Variants in DPP10 observed in about 807,000 individuals in gnomAD.
The protein encoded by DPP10 is dipeptidyl peptidase like 10, also known as inactive dipeptidyl peptidase 10.
DPP10 carries 33 observed loss-of-function variants against 120.9 expected under a neutral mutation model. The observed-to-expected ratio is 0.27, with a 90% CI of 0.21 to 0.37. DPP10 has a LOEUF of 0.37. Among genes scored for constraint, DPP10 ranks in the 10% least tolerant of loss-of-function variants. DPP10 has a pLI of 1.00. For synonymous variants in DPP10, 337 were observed against 326.1 expected, an observed-to-expected ratio of 1.03 and a Z score of -0.36; for missense variants, 816 against 942.8, an observed-to-expected ratio of 0.87 and a Z score of 1.76.
In DPP10 at chr2:114,493,786, A is replaced by C. The variant is rs923508926; in HGVS notation, c.60+50948A>C. Among the ~76,000 whole-genome samples, 6 of 152,268 alleles carry C rather than the reference A, an allele frequency of 3.9e-5. No homozygotes were observed. In the East Asian group the frequency reaches 1.2e-3, roughly 29 times the overall value. On this transcript the variant is annotated intron_variant, in intron 1 of 25. Coordinates refer to ENST00000410059, the MANE Select transcript of DPP10 (RefSeq NM_020868.6). ...CAGGTCAAATGGAAGATTGTTCTGCAAGAGAAAAGAAAGGTAAACACTGCA... is the reference window on the plus strand; with the variant it reads ...CAGGTCAAATGGAAGATTGTTCTGCCAGAGAAAAGAAAGGTAAACACTGCA...
chr2:114,731,344 C>T (rs915032966), intron 1 of DPP10, among the ~76,000 whole-genome samples: 2 of 152,092 alleles, frequency 1.3e-5, no homozygotes, highest in African/African-American at 4.8e-5. Flanking sequence ...ATTAACAGCA[C>T]TGTACTTCTA....
chr2:115,011,859 C>T (rs2105094549), intron 1 of DPP10, among the ~76,000 whole-genome samples: 1 of 152,034 alleles, frequency 6.6e-6, no homozygotes, highest in Non-Finnish European at 1.5e-5. Context: ...CTTGCTTTTT[C>T]AATGGGGAGG....
chr2:114,842,046 A>C (rs1423014897), intron 1 of DPP10, among the ~76,000 whole-genome samples: 3 of 152,080 alleles, frequency 2.0e-5, no homozygotes, highest in Admixed American at 6.6e-5. Flanking sequence ...TATAGAAGAA[A>C]TCACCTTAAT....
intron 9 of DPP10, among the ~76,000 whole-genome samples, chr2:115,743,049 A>G (rs1221423930): frequency 6.6e-6 from 1 of 151,510 alleles, no homozygotes; most frequent in Non-Finnish European, 1.5e-5. Flanking sequence ...TTGCCAGTAA[A>G]ATAAGGTTAA....
At chr2:115,827,414 GTATATATATATATATATATA>G (rs70941101) in intron 21 of DPP10, among the ~76,000 whole-genome samples, 3 of 75,452 alleles carry the variant, frequency 4.0e-5, no homozygotes, top group Admixed American at 1.8e-4. Context: ...ATGTGTGTGT[GTATATATATATATATATATA>G]TATATATATA....
intron 5 of DPP10, among the ~76,000 whole-genome samples, chr2:115,617,722 A>G (rs962376729): frequency 4.6e-5 from 7 of 152,100 alleles, no homozygotes; most frequent in African/African-American, 1.7e-4. Context: ...AGTACACTCT[A>G]TGATGTTTGC....
intron 5 of DPP10, among the ~76,000 whole-genome samples, chr2:115,625,235 T>C (rs1472310688): frequency 6.6e-6 from 1 of 152,124 alleles, no homozygotes; most frequent in Admixed American, 6.6e-5. Context: ...GAGAAAGATC[T>C]TTTTTGGATT....
At chr2:115,450,094 G>A (rs971895811) in intron 3 of DPP10, among the ~76,000 whole-genome samples, 10 of 151,766 alleles carry the variant, frequency 6.6e-5, no homozygotes, top group Admixed American at 6.6e-5. Context: ...GTCCCAATTA[G>A]CCCATCATAA....
chr2:114,798,114 G>A (rs184671398), intron 1 of DPP10, among the ~76,000 whole-genome samples: 147 of 152,188 alleles, frequency 9.7e-4, no homozygotes, highest in East Asian at 5.2e-3. Flanking sequence ...TCAAGGTCCC[G>A]AAACCACTGA....
chr2:115,456,157 A>G (rs2073519846), intron 3 of DPP10, among the ~76,000 whole-genome samples: 1 of 152,196 alleles, frequency 6.6e-6, no homozygotes, highest in Non-Finnish European at 1.5e-5. Context: ...AAGAAAATGA[A>G]CAGACTCTTC....
chr2:115,679,038 G>T (rs1354953932), intron 5 of DPP10, among the ~76,000 whole-genome samples: 1 of 152,138 alleles, frequency 6.6e-6, no homozygotes, highest in Non-Finnish European at 1.5e-5. Context: ...TAACTAATTT[G>T]CTTTTGATTT....
chr2:115,378,312 G>T (rs905058231), intron 3 of DPP10, among the ~76,000 whole-genome samples: 16 of 145,922 alleles, frequency 1.1e-4, no homozygotes, highest in Admixed American at 2.7e-4. Flanking sequence ...TCTCTTTGAA[G>T]CAATTGTGAA....
chr2:115,765,743 G>T (rs1355668995), intron 12 of DPP10, among the ~76,000 whole-genome samples: 2 of 152,014 alleles, frequency 1.3e-5, no homozygotes, highest in Non-Finnish European at 2.9e-5. Context: ...GCAGGTGATG[G>T]AACAAATAGA....
chr2:114,879,703 A>G (rs1246556715), intron 1 of DPP10, among the ~76,000 whole-genome samples: 1 of 152,130 alleles, frequency 6.6e-6, no homozygotes, highest in Non-Finnish European at 1.5e-5. Flanking sequence ...ATTGAAAGAA[A>G]AAAAACAGAA....
At position 114,831,022 on chromosome 2, in the gene DPP10, A is replaced by ATTT. The variant is rs70941010; in HGVS notation, c.60+388218_60+388220dup. ...GGAATATTTAAACATCCATGCAAAG[A>ATTT]TTTTTTTTTTTTTTTTTTTTTTTTT... On this transcript the variant is annotated intron_variant, in intron 1 of 25. Transcript: ENST00000410059. Among the ~76,000 whole-genome samples the ATTT allele has an allele frequency of 4.1e-4, 19 of 45,978 alleles. 1 individual carries two copies. Among genetic ancestry groups the ATTT allele is most frequent in the African/African-American group, 1.5e-3 (18 of 11,618 alleles). The allele number at this position is 45,978 out of a possible 152,430, so 30.2% of individuals were successfully genotyped here.
intron 3 of DPP10, among the ~76,000 whole-genome samples, chr2:115,461,460 G>T (rs553088385): frequency 2.6e-5 from 4 of 152,182 alleles, no homozygotes. Flanking sequence ...ATACAACATG[G>T]TGACTATAGT....
chr2:114,863,948 C>T (rs1019895363), intron 1 of DPP10, among the ~76,000 whole-genome samples: 1 of 152,088 alleles, frequency 6.6e-6, no homozygotes, highest in Non-Finnish European at 1.5e-5. Flanking sequence ...GCTAACATGT[C>T]TTCTGGAGAA....
chr2:114,836,674 G>A (rs1687765784), intron 1 of DPP10, among the ~76,000 whole-genome samples: 1 of 152,144 alleles, frequency 6.6e-6, no homozygotes, highest in Non-Finnish European at 1.5e-5. Flanking sequence ...CAGGGTTTGA[G>A]AGCAGACAAC....
chr2:115,136,250 C>T (rs1300976198), intron 1 of DPP10, among the ~76,000 whole-genome samples: 1 of 152,106 alleles, frequency 6.6e-6, no homozygotes, highest in Non-Finnish European at 1.5e-5. Flanking sequence ...TTTCTAAGCA[C>T]CCCTAAGTGT....
Sources: gnomAD v4.1 joint callset for allele counts (sites outside exome capture counted in the v4.1 genomes callset) on GRCh38, gnomAD v4.1.1 for gene constraint, MANE v1.5 for transcripts, NCBI Gene and HGNC (gene_info 2026-07-23, HGNC 2026-07-21) for gene names.